Variants in CNBD1 observed in about 807,000 individuals in gnomAD.
CNBD1 encodes cyclic nucleotide-binding domain-containing protein 1.
A neutral mutation model predicts 54.4 loss-of-function variants in CNBD1; 71 were observed. That is an observed-to-expected ratio of 1.30 (90% CI 1.08 to 1.59). The LOEUF is 1.59. Among genes scored for constraint, CNBD1 ranks in the 40% most tolerant of loss-of-function variants. The pLI is 0.00. For synonymous variants in CNBD1, 182 were observed against 170.7 expected, an observed-to-expected ratio of 1.07 and a Z score of -0.51; for missense variants, 659 against 518.0, an observed-to-expected ratio of 1.27 and a Z score of -2.64.
At chr8:86,919,414 G>A (rs1809237500) in intron 3 of CNBD1, among the ~76,000 whole-genome samples, 1 of 152,168 alleles carries the variant, frequency 6.6e-6, no homozygotes, top group South Asian at 2.1e-4. Flanking sequence ...GGAGCAAAGT[G>A]TAGAAATTAC....
intron 2 of CNBD1, among the ~76,000 whole-genome samples, chr8:87,419,962 ATATT>A (rs1406443324): frequency 2.0e-5 from 3 of 148,694 alleles, no homozygotes; most frequent in Non-Finnish European, 4.5e-5. Context: ...TATTATATAT[ATATT>A]TATTATATGT....
At chr8:87,362,005 C>T (rs1323202222) in intron 10 of CNBD1, among the ~76,000 whole-genome samples, 1 of 152,056 alleles carries the variant, frequency 6.6e-6, no homozygotes, top group Non-Finnish European at 1.5e-5. Flanking sequence ...ATCCTGGCTT[C>T]TTTGTTTAAG....
chr8:87,309,353 C>A (rs1182659887), intron 8 of CNBD1, among the ~76,000 whole-genome samples: 3 of 152,030 alleles, frequency 2.0e-5, no homozygotes, highest in African/African-American at 7.2e-5. Flanking sequence ...CCCAGTTATA[C>A]CTGTCATTTC....
At chr8:86,868,614 G>T (rs369481535) in intron 1 of CNBD1, among the ~76,000 whole-genome samples, 5 of 152,224 alleles carry the variant, frequency 3.3e-5, no homozygotes, top group African/African-American at 1.2e-4. Flanking sequence ...TTACAGGCGT[G>T]AGCTACCACG....
At chr8:87,313,865 T>C (rs775161077) in intron 8 of CNBD1, among the ~76,000 whole-genome samples, 2 of 151,912 alleles carry the variant, frequency 1.3e-5, no homozygotes, top group African/African-American at 2.4e-5. Context: ...ACAAAAATAA[T>C]TTTTATAATA....
intron 4 of CNBD1, among the ~76,000 whole-genome samples, chr8:87,127,428 G>C (rs888713075): frequency 6.6e-6 from 1 of 151,950 alleles, no homozygotes; most frequent in Admixed American, 6.6e-5. Flanking sequence ...ACTTTAAATT[G>C]TATTAAAAAT....
At chr8:86,991,072 G>C (rs1288308654) in intron 4 of CNBD1, among the ~76,000 whole-genome samples, 1 of 152,008 alleles carries the variant, frequency 6.6e-6, no homozygotes, top group Non-Finnish European at 1.5e-5. Flanking sequence ...CTGATAATTT[G>C]GGTGGTGGTA....
chr8:86,890,861 T>A (rs556786161), intron 2 of CNBD1, among the ~76,000 whole-genome samples: 1 of 152,238 alleles, frequency 6.6e-6, no homozygotes, highest in Non-Finnish European at 1.5e-5. Flanking sequence ...TTTGTTATTT[T>A]TTTTTTCATG....
At chr8:87,239,541 C>A (rs552718635) in intron 6 of CNBD1, among the ~76,000 whole-genome samples, 1 of 152,088 alleles carries the variant, frequency 6.6e-6, no homozygotes, top group Non-Finnish European at 1.5e-5. Context: ...TATTGAGTTT[C>A]AACAGAGAAC....
At chr8:86,956,987 A>G (rs1373268728) in intron 4 of CNBD1, among the ~76,000 whole-genome samples, 2 of 152,140 alleles carry the variant, frequency 1.3e-5, no homozygotes, top group African/African-American at 4.8e-5. Context: ...AGCTCTTATT[A>G]TTTTGAGATA....
chr8:86,913,166 A>G (rs1350816144), intron 3 of CNBD1, among the ~76,000 whole-genome samples: 3 of 152,178 alleles, frequency 2.0e-5, no homozygotes, highest in African/African-American at 7.2e-5. Flanking sequence ...TTACAAATAA[A>G]TCTAGTGTAG....
At chr8:87,072,655 A>G (rs932430418) in intron 4 of CNBD1, among the ~76,000 whole-genome samples, 6 of 151,778 alleles carry the variant, frequency 4.0e-5, no homozygotes, top group African/African-American at 1.5e-4. Flanking sequence ...TCTGGCTAGT[A>G]GGGTTTCTGC....
intron 4 of CNBD1, among the ~76,000 whole-genome samples, chr8:87,121,236 C>G (rs1811882784): frequency 6.6e-6 from 1 of 151,632 alleles, no homozygotes; most frequent in South Asian, 2.1e-4. Flanking sequence ...TCCATGAAAT[C>G]AGTCAAATCA....
chr8:87,195,249 G>A (rs999777357), intron 4 of CNBD1, among the ~76,000 whole-genome samples: 28 of 135,134 alleles, frequency 2.1e-4, no homozygotes, highest in African/African-American at 7.8e-4. Flanking sequence ...TTTTTTCTGA[G>A]ATGGAGTCTC....
chr8:86,961,015 C>A (rs777242375), intron 4 of CNBD1, among the ~76,000 whole-genome samples: 10 of 152,204 alleles, frequency 6.6e-5, no homozygotes, highest in Non-Finnish European at 1.5e-4. Flanking sequence ...TAGTTTCTGA[C>A]TTGCATAATT....
chr8:86,980,349 G>A (rs1176316719), intron 4 of CNBD1, among the ~76,000 whole-genome samples: 4 of 152,114 alleles, frequency 2.6e-5, no homozygotes, highest in African/African-American at 9.7e-5. Context: ...CTAATGACTG[G>A]GTCACAGGGT....
chr8:87,321,395 C>A (rs557303370), intron 8 of CNBD1, among the ~76,000 whole-genome samples: 64 of 152,212 alleles, frequency 4.2e-4, no homozygotes, highest in Admixed American at 1.3e-3. Flanking sequence ...ATCCCAACAC[C>A]TGTAAGGCAA....
At chr8:87,254,904 A>G (rs200097497) in intron 6 of CNBD1, among the ~76,000 whole-genome samples, 2 of 152,182 alleles carry the variant, frequency 1.3e-5, no homozygotes, top group East Asian at 3.9e-4. Flanking sequence ...CTAAATTAAA[A>G]AGAAAGTAAA....
chr8:87,174,396 G>A (rs1223980880), intron 4 of CNBD1, among the ~76,000 whole-genome samples: 1 of 152,028 alleles, frequency 6.6e-6, no homozygotes, highest in East Asian at 1.9e-4. Flanking sequence ...CAGTTGTATT[G>A]TTTAACTCTA....
Sources: gnomAD v4.1 joint callset for allele counts (sites outside exome capture counted in the v4.1 genomes callset) on GRCh38, gnomAD v4.1.1 for gene constraint, MANE v1.5 for transcripts, NCBI Gene and HGNC (gene_info 2026-07-23, HGNC 2026-07-21) for gene names.